KRT85: variants seen among roughly 807,000 people sequenced by gnomAD.
KRT85 encodes keratin, type II cuticular Hb5.
A neutral mutation model predicts 53.7 loss-of-function variants in KRT85; 39 were observed. That is an observed-to-expected ratio of 0.73 (90% CI 0.56 to 0.95). The LOEUF (loss-of-function observed/expected upper bound fraction) is 0.95, where lower values mean the gene tolerates loss of function less well. KRT85 is among the 40% of genes least tolerant of loss of function. The pLI is 0.00. For missense variants in KRT85, 668 were observed against 686.0 expected, an observed-to-expected ratio of 0.97 and a Z score of 0.29; for synonymous variants, 291 against 277.5, an observed-to-expected ratio of 1.05 and a Z score of -0.48.
rs146561077 is a variant in KRT85 at position 52,360,285 on chromosome 12, A to G, written c.*568T>C. 10 of 171,566 alleles carry G rather than the reference A, an allele frequency of 5.8e-5. No individual in the cohort carries two copies. Among genetic ancestry groups the G allele is most frequent in the Non-Finnish European group, 1.0e-4 (8 of 79,574 alleles). The allele number at this position is 171,566 out of a possible 1,614,324, so 10.6% of individuals were successfully genotyped here. On this transcript the variant is annotated 3_prime_UTR_variant, in exon 9 of 9. Transcript: ENST00000257901. ...ATGCCCCACGATAATGGGCTTCTCA[A>G]CTGCGAGGTCACATGAGGAGCCTGG...
chr12:52,361,504 G>C lies in KRT85; in HGVS notation c.1299-6C>G, dbSNP rs1939190653. Reference sequence around the variant, plus strand: ...AGCCCACACCTTCACACAGCCTATGGAGAAAGAAAACTCTGTTAGTTCCAG... The same window carrying C: ...AGCCCACACCTTCACACAGCCTATGCAGAAAGAAAACTCTGTTAGTTCCAG... On this transcript the variant is annotated splice_region_variant and splice_polypyrimidine_tract_variant and intron_variant, in intron 7 of 8. Transcript: ENST00000257901. 1.2e-6 allele frequency: 2 copies of C among 1,613,552 alleles called. No individual in the cohort carries two copies. Among genetic ancestry groups the C allele is most frequent in the Non-Finnish European group, 1.7e-6 (2 of 1,179,578 alleles).
intron 1 of KRT85, among the ~76,000 whole-genome samples, chr12:52,365,633 G>A (rs760944965): frequency 2.0e-5 from 3 of 152,164 alleles, no homozygotes; most frequent in Non-Finnish European, 2.9e-5. Flanking sequence ...ACTACTTAGT[G>A]CCAAGGCCTG....
chr12:52,363,954 A>G (rs1939232804), intron 4 of KRT85, 114 bp downstream of exon 4: 1 of 863,602 alleles, frequency 1.2e-6, no homozygotes, highest in Non-Finnish European at 2.0e-6. Context: ...CTCTTTTCAC[A>G]CTTACATTGC....
intron 7 of KRT85, among the ~76,000 whole-genome samples, chr12:52,361,990 G>C (rs1040548042): frequency 6.6e-6 from 1 of 152,150 alleles, no homozygotes; most frequent in African/African-American, 2.4e-5. Flanking sequence ...CATGATAAAG[G>C]CACTGAATTC....
At position 52,360,731 on chromosome 12, in the gene KRT85, T is replaced by C. The variant is rs7968466; in HGVS notation, c.*122A>G. 0.52 allele frequency: 620,729 copies of C among 1,183,240 alleles called. 164,173 individuals are homozygous for C. The highest frequency in any genetic ancestry group is 0.63 in the East Asian group (27,054 of 42,668). 73.3% of individuals were successfully genotyped at this position (1,183,240 alleles called of 1,614,324 possible). ...GAGGGTCTTTCCCTCTGTAGGTCTT[T>C]CCCTCTGTAGGAACATCCAGAAGAT... On this transcript the variant is annotated 3_prime_UTR_variant, in exon 9 of 9. Transcript: ENST00000257901.
rs1939221859 is a variant in KRT85, at chr12:52,363,272, CG to C, written c.924del (p.Glu309ArgfsTer13). On this transcript the variant is annotated frameshift_variant, in exon 5 of 9. Coordinates refer to ENST00000257901, the MANE Select transcript of KRT85 (RefSeq NM_002283.4). LOFTEE classifies it high-confidence loss of function. Reference sequence around the variant, plus strand: ...TTGCTACGGTACCAGGACTCAGCCTCGGCCCGGCTGCGGCTGGCAACATCGT... The same window carrying C: ...TTGCTACGGTACCAGGACTCAGCCTCGCCCGGCTGCGGCTGGCAACATCGT... The part of the protein sequence containing the change: ...QYDDVASRSR[A>X]EAESWYRSKC... 6.2e-7 allele frequency: 1 copy of C among 1,614,070 alleles called. No individual in the cohort carries two copies. Among genetic ancestry groups the C allele is most frequent in the South Asian group, 1.1e-5 (1 of 91,082 alleles).
rs1011614162 is a variant in KRT85 at position 52,365,807 on chromosome 12, G to A, written c.421-637C>T. Among the ~76,000 whole-genome samples, 5 of 152,274 alleles carry A rather than the reference G, an allele frequency of 3.3e-5. No homozygotes were observed. The East Asian group carries it at 9.7e-4, about 29-fold the overall frequency. On this transcript the variant is annotated intron_variant, in intron 1 of 8. Coordinates refer to ENST00000257901, the MANE Select transcript of KRT85 (RefSeq NM_002283.4). ...CAAGGTGTGAAATGCCCAGCTCATG[G>A]TAAGCGATAGTCTTGAGATAGGCAT...
intron 8 of KRT85, 143 bp from the exon 9 acceptor site, chr12:52,361,189 A>G (rs1434627984): frequency 3.6e-6 from 3 of 833,908 alleles, no homozygotes; most frequent in South Asian, 3.0e-5. Context: ...TGAGATGCAC[A>G]GCCCATCTAG....
Position 52,362,318 on chromosome 12 carries a change from T to A in KRT85, c.1231A>T (p.Asn411Tyr). 1 of 1,614,162 alleles carries A rather than the reference T, an allele frequency of 6.2e-7. No homozygotes were observed. Among genetic ancestry groups the A allele is most frequent in the Non-Finnish European group, 8.5e-7 (1 of 1,180,012 alleles). The change falls in exon 7 of 9, where the codon AAC becomes TAC. Residue 411 changes from asparagine to tyrosine, a missense_variant. This residue lies in a region of KRT85 where 488 missense variants were observed against 498.1 expected (regional missense o/e 0.98). Transcript: ENST00000257901. The stretch of plus-strand genomic sequence containing the variant: ...TCGATGTCCAGGCCCAGCTTGGAGT[T>A]CATCACCTCCTGGTACTCCTTGAGC... ...CLLKEYQEVM[N>Y]SKLGLDIEIA...
chr12:52,363,957 T>C (rs1297764904), intron 4 of KRT85, 111 bp downstream of exon 4: 1 of 874,218 alleles, frequency 1.1e-6, no homozygotes, highest in Non-Finnish European at 2.0e-6. Context: ...TTTTCACACT[T>C]ACATTGCACA....
Position 52,360,796 on chromosome 12 carries a change from A to C in KRT85, c.*57T>G. 2.6e-6 allele frequency: 4 copies of C among 1,509,570 alleles called. No individual in the cohort carries two copies. Among genetic ancestry groups the C allele is most frequent in the Non-Finnish European group, 3.7e-6 (4 of 1,086,334 alleles). 93.5% of individuals were successfully genotyped at this position (1,509,570 alleles called of 1,614,324 possible). A position where few individuals can be genotyped will look rare whatever the true frequency, so the allele number is the denominator to read the frequency against. ...CACATTTTCCATTCACATGCCATTC[A>C]GTGCAGTGATGCAGGCAGGCAGGTG... is the stretch of plus-strand genomic sequence containing the variant. On this transcript the variant is annotated 3_prime_UTR_variant, in exon 9 of 9. Coordinates refer to ENST00000257901, the MANE Select transcript of KRT85 (RefSeq NM_002283.4).
At chr12:52,365,454 C>T (rs566298566) in intron 1 of KRT85, among the ~76,000 whole-genome samples, 20 of 152,198 alleles carry the variant, frequency 1.3e-4, no homozygotes, top group Non-Finnish European at 2.8e-4. Context: ...CAAAATGGAG[C>T]GAATAGTGTC....
At chr12:52,361,532 A>G (rs752786070) in intron 7 of KRT85, 34 bp from the exon 8 acceptor site, 111 of 1,604,726 alleles carry the variant, frequency 6.9e-5, no homozygotes, top group Non-Finnish European at 8.8e-5. Context: ...AGTTCCAGAC[A>G]CTGAGTTGGA....
rs537447052 is a variant in KRT85, at chr12:52,363,499, C to T, written c.787-89G>A. ...AGGGGACAATGTCCACTTCCCAGAC[C>T]GGGCACTGGTCATGAAGGTTACATG... On this transcript the variant is annotated intron_variant, in intron 4 of 8. Transcript: ENST00000257901. 55 of 1,430,622 alleles carry T rather than the reference C, an allele frequency of 3.8e-5. No individual in the cohort carries two copies. In the African/African-American group the frequency reaches 4.6e-4, roughly 12 times the overall value. The allele number at this position is 1,430,622 out of a possible 1,614,324, so 88.6% of individuals were successfully genotyped here.
Position 52,362,965 on chromosome 12 carries a change from C to A in KRT85, c.966G>T (p.Lys322Asn). Residue 322 changes from lysine (K) to asparagine (N), a missense_variant, in exon 6 of 9, where the codon AAG (lysine) becomes AAT (asparagine). Physicochemically the swap from Lys to Asn is moderately conservative, Grantham distance 94. Coordinates refer to ENST00000257901, the MANE Select transcript of KRT85 (RefSeq NM_002283.4). ...SWYRSKCEEM[K>N]ATVIRHGETL... Reference sequence around the variant, plus strand: ...TCTCCCCATGCCTGATCACCGTGGCCTTCATCTCCTCACACTGGAGGAAGT... The same window carrying A: ...TCTCCCCATGCCTGATCACCGTGGCATTCATCTCCTCACACTGGAGGAAGT... 6.2e-7 allele frequency: 1 copy of A among 1,614,186 alleles called. No individual in the cohort carries two copies. The highest frequency in any genetic ancestry group is 8.5e-7 in the Non-Finnish European group (1 of 1,180,034).
intron 2 of KRT85, 150 bp from the exon 3 acceptor site, chr12:52,364,516 C>T: frequency 2.0e-6 from 3 of 1,515,042 alleles, no homozygotes; most frequent in Non-Finnish European, 1.8e-6. Flanking sequence ...TTGTATTATT[C>T]ATGGGCCAGC....
intron 6 of KRT85, 81 bp downstream of exon 6, chr12:52,362,773 A>C: frequency 1.2e-6 from 2 of 1,605,422 alleles, no homozygotes; most frequent in East Asian, 4.5e-5. Flanking sequence ...CTGCTTCCTC[A>C]TGGGCACACT....
rs1592141038 is a variant in KRT85 at position 52,362,112 on chromosome 12, C to G, written c.1298+139G>C. 4.6e-6 allele frequency: 5 copies of G among 1,077,504 alleles called. No homozygotes were observed. The East Asian group carries it at 1.3e-4, about 28-fold the overall frequency. 66.7% of individuals were successfully genotyped at this position (1,077,504 alleles called of 1,614,324 possible). A position where few individuals can be genotyped will look rare whatever the true frequency, so the allele number is the denominator to read the frequency against. Reference sequence around the variant, plus strand: ...AGCACAGGTCTAGCACAGAAGCATTCAGTTATTATTATTATTATTATTGAA... The same window carrying G: ...AGCACAGGTCTAGCACAGAAGCATTGAGTTATTATTATTATTATTATTGAA... On this transcript the variant is annotated intron_variant, in intron 7 of 8. Transcript: ENST00000257901.
intron 1 of KRT85, 37 bp downstream of exon 1, chr12:52,366,949 C>T (rs760703238): frequency 2.1e-5 from 34 of 1,613,830 alleles, no homozygotes; most frequent in Middle Eastern, 1.7e-4. Context: ...GAGGACAGGG[C>T]TGGAGGCTTC....
Sources: allele counts gnomAD v4.1 joint callset (sites outside exome capture counted in the v4.1 genomes callset), GRCh38; gene constraint gnomAD v4.1.1; regional missense constraint gnomAD v4.1.1; transcripts MANE v1.5; gene names NCBI Gene and HGNC (gene_info 2026-07-23, HGNC 2026-07-21).